The following OR2AT4 variants were observed in gnomAD, a reference collection of about 807,000 sequenced individuals.
OR2AT4 encodes olfactory receptor 2AT4.
A neutral mutation model predicts 10.3 loss-of-function variants in OR2AT4; 6 were observed. The observed-to-expected ratio is 0.58, with a 90% CI of 0.32 to 1.15. The LOEUF is 1.15. Among genes scored for constraint, OR2AT4 ranks in the 50% most tolerant of loss-of-function variants. OR2AT4 has a pLI of 0.05. For synonymous variants in OR2AT4, 145 were observed against 159.1 expected (o/e 0.91, Z 0.67); for missense variants, 354 against 393.8 (o/e 0.90, Z 0.85).
exon 2 of OR2AT4, chr11:75,082,581 A>G (rs1949271742): frequency 6.6e-6 from 1 of 152,202 alleles, no homozygotes; most frequent in South Asian, 2.1e-4. Context: ...TTAAATGTAA[A>G]GATCTCAAAG....
intron 1 of OR2AT4, among the ~76,000 whole-genome samples, chr11:75,092,491 T>C (rs1021408267): frequency 1.3e-5 from 2 of 152,202 alleles, no homozygotes; most frequent in East Asian, 1.9e-4. Context: ...TATGTAGAGA[T>C]ATAGATCAGC....
chr11:75,092,966 A>C (rs992753613), intron 1 of OR2AT4, among the ~76,000 whole-genome samples: 4 of 152,008 alleles, frequency 2.6e-5, no homozygotes, highest in African/African-American at 7.2e-5. Context: ...TGGGCATGGT[A>C]GCACACGCCT....
intron 1 of OR2AT4, among the ~76,000 whole-genome samples, chr11:75,091,436 A>G (rs1327123835): frequency 1.3e-5 from 2 of 152,254 alleles, no homozygotes; most frequent in Non-Finnish European, 2.9e-5. Flanking sequence ...GGATTTTAAA[A>G]TGGGCAATTT....
chr11:75,083,970 CAA>C (rs35578037), exon 2 of OR2AT4: 46 of 97,114 alleles, frequency 4.7e-4, no homozygotes, highest in Admixed American at 8.1e-4. Context: ...AACTCCGTCT[CAA>C]AAAAAAAAAA....
rs771519245 is a variant in OR2AT4 at position 75,089,579 on chromosome 11, C to CA, written c.134dup (p.Met45IlefsTer3). ...CGGCCACCAGGATCAGGGCATTACC[C>CA]ATCAGGATGAGAAGGTAGAAGAGGA... On this transcript the variant is annotated frameshift_variant, in exon 2 of 2. Transcript: ENST00000641504. LOFTEE classifies it high-confidence loss of function. 1 of 1,614,122 alleles carries CA rather than the reference C, an allele frequency of 6.2e-7. No homozygotes were observed. Among genetic ancestry groups the CA allele is most frequent in the Non-Finnish European group, 8.5e-7 (1 of 1,180,016 alleles).
At chr11:75,089,065 G>A (rs1308055669) in exon 2 of OR2AT4, 1 of 1,614,014 alleles carries the variant, frequency 6.2e-7, no homozygotes, top group Admixed American at 1.7e-5. Flanking sequence ...AGCACCAGGA[G>A]AAGGGGGAGG....
Position 75,093,911 on chromosome 11 carries a change from C to A in OR2AT4, c.-652+2917G>T, listed in dbSNP as rs2140280754. 2.1e-5 allele frequency among the ~76,000 whole-genome samples: 3 copies of A among 143,182 alleles called. No homozygotes were observed. The Middle Eastern group carries it at 0.011, about 534-fold the overall frequency. 93.9% of individuals were successfully genotyped at this position (143,182 alleles called of 152,430 possible). ...AGCTCGGCTCACTGCAACCTCTGCC[C>A]TCCCGGGTTCAAGTGATTCGTGTGC... On this transcript the variant is annotated intron_variant, in intron 1 of 1. Coordinates refer to ENST00000641504, the Ensembl canonical transcript of OR2AT4.
Position 75,088,945 on chromosome 11 carries a change from AGT to A in OR2AT4, c.767_768del (p.Tyr256LeufsTer14). 6.2e-7 allele frequency: 1 copy of A among 1,614,228 alleles called. No individual in the cohort carries two copies. Among genetic ancestry groups the A allele is most frequent in the Non-Finnish European group, 8.5e-7 (1 of 1,180,042 alleles). ...ACGTAGGCTATGGCAATAGATGAGT[AGT>A]AGGTGCCCACGACCAGAAGGTGGGA... On this transcript the variant is annotated frameshift_variant, in exon 2 of 2. Transcript: ENST00000641504. LOFTEE classifies it high-confidence loss of function.
chr11:75,092,984 C>A (rs1466252970), intron 1 of OR2AT4, among the ~76,000 whole-genome samples: 2 of 152,058 alleles, frequency 1.3e-5, no homozygotes, highest in Non-Finnish European at 2.9e-5. Flanking sequence ...CCTGTAATCC[C>A]AGCTACTCAG....
intron 1 of OR2AT4, 83 bp downstream of exon 1, chr11:75,096,745 A>C (rs1949350530): frequency 6.6e-6 from 1 of 152,288 alleles, no homozygotes; most frequent in Non-Finnish European, 1.5e-5. Flanking sequence ...GTGGTTGTAC[A>C]TGCCCCCAAC....
chr11:75,088,035 A>G (rs1015785704), exon 2 of OR2AT4: 2 of 152,188 alleles, frequency 1.3e-5, no homozygotes, highest in African/African-American at 4.8e-5. Flanking sequence ...AGATGATATC[A>G]TATCAGTAGA....
exon 2 of OR2AT4, chr11:75,088,944 T>C (rs911716886): frequency 1.2e-6 from 2 of 1,613,714 alleles, no homozygotes; most frequent in African/African-American, 1.3e-5. Flanking sequence ...AATAGATGAG[T>C]AGTAGGTGCC....
At chr11:75,086,601 T>C (rs1371596108) in exon 2 of OR2AT4, 1 of 152,174 alleles carries the variant, frequency 6.6e-6, no homozygotes, top group Non-Finnish European at 1.5e-5. Flanking sequence ...CAATTAGTCA[T>C]AGGGAAATGT....
At chr11:75,084,147 A>T (rs972628731) in exon 2 of OR2AT4, 6 of 152,138 alleles carry the variant, frequency 3.9e-5, no homozygotes, top group Admixed American at 3.3e-4. Flanking sequence ...GGAGCTAAAC[A>T]TTGGGTACTT....
At chr11:75,092,882 A>G (rs1209221914) in intron 1 of OR2AT4, among the ~76,000 whole-genome samples, 1 of 151,842 alleles carries the variant, frequency 6.6e-6, no homozygotes, top group Non-Finnish European at 1.5e-5. Flanking sequence ...CGGGCGGATC[A>G]TGAGGTCAGG....
At chr11:75,083,220 C>T (rs1332842894) in exon 2 of OR2AT4, 1 of 151,886 alleles carries the variant, frequency 6.6e-6, no homozygotes, top group Non-Finnish European at 1.5e-5. Context: ...CCAAATAATA[C>T]CATTAAAAAG....
exon 2 of OR2AT4, chr11:75,088,704 G>A (rs1198149266): frequency 1.3e-6 from 2 of 1,508,994 alleles, no homozygotes; most frequent in East Asian, 4.6e-5. Flanking sequence ...TCTGTGCTAA[G>A]CACTGTTATT....
exon 2 of OR2AT4, chr11:75,088,159 G>A (rs1224423630): frequency 2.0e-5 from 3 of 152,080 alleles, no homozygotes; most frequent in African/African-American, 7.3e-5. Context: ...GTGACTCCTC[G>A]GGATAGATCC....
chr11:75,090,775 G>C (rs897549828), intron 1 of OR2AT4, among the ~76,000 whole-genome samples: 1 of 152,006 alleles, frequency 6.6e-6, no homozygotes, highest in Non-Finnish European at 1.5e-5. Flanking sequence ...TGTGCTGAGG[G>C]CCTCTAAAAG....
Sources: gnomAD v4.1 joint callset for allele counts (sites outside exome capture counted in the v4.1 genomes callset) on GRCh38, gnomAD v4.1.1 for gene constraint, MANE v1.5 for transcripts, NCBI Gene and HGNC (gene_info 2026-07-23, HGNC 2026-07-21) for gene names.